Variants in NDUFAF6 observed in about 807,000 individuals in gnomAD.
The protein encoded by NDUFAF6 is NADH dehydrogenase (ubiquinone) complex I, assembly factor 6.
NDUFAF6 carries 45 observed loss-of-function variants against 40.8 expected under a neutral mutation model. The observed-to-expected ratio is 1.10, with a 90% CI of 0.87 to 1.42. The LOEUF (loss-of-function observed/expected upper bound fraction) is 1.42. Ranked by LOEUF, NDUFAF6 falls within the 40% of genes most tolerant of loss-of-function variation. NDUFAF6 has a pLI of 0.00. For missense variants in NDUFAF6, 435 were observed against 418.5 expected (o/e 1.04, Z -0.34); for synonymous variants, 185 against 155.9 (o/e 1.19, Z -1.39).
intron 1 of NDUFAF6, among the ~76,000 whole-genome samples, chr8:94,979,980 C>G (rs1202419681): frequency 6.6e-6 from 1 of 151,884 alleles, no homozygotes; most frequent in Non-Finnish European, 1.5e-5. Context: ...ACCTGTAATC[C>G]CAGCTACTCG....
chr8:95,097,995 G>A (rs766381230), upstream of NDUFAF6, among the ~76,000 whole-genome samples: 2 of 152,174 alleles, frequency 1.3e-5, no homozygotes, highest in Non-Finnish European at 2.9e-5. Context: ...CTACGCAACA[G>A]TAAGAAAGGT....
chr8:94,930,775 T>C (rs1820319688), intron 1 of NDUFAF6: 1 of 1,584,192 alleles, frequency 6.3e-7, no homozygotes, highest in Non-Finnish European at 8.6e-7. Flanking sequence ...GAGTATGTTA[T>C]TAACAAAACT....
intron 1 of NDUFAF6, among the ~76,000 whole-genome samples, chr8:94,904,357 T>C (rs1430983640): frequency 1.5e-4 from 17 of 116,250 alleles, no homozygotes; most frequent in Non-Finnish European, 2.2e-4. Flanking sequence ...TTTTTTTTTT[T>C]AGTAAAGACA....
chr8:94,937,974 G>A (rs928153366), intron 1 of NDUFAF6, among the ~76,000 whole-genome samples: 1 of 152,098 alleles, frequency 6.6e-6, no homozygotes, highest in Non-Finnish European at 1.5e-5. Context: ...TAAAGCTAAC[G>A]TCCCTTCCAG....
intron 1 of NDUFAF6, among the ~76,000 whole-genome samples, chr8:94,925,780 T>C (rs1473140028): frequency 6.6e-6 from 1 of 152,234 alleles, no homozygotes; most frequent in Non-Finnish European, 1.5e-5. Context: ...CCTCAAGCGA[T>C]GTGCCTGCCT....
At chr8:94,980,890 G>A (rs963370572) in exon 2 of NDUFAF6, 1 of 456,060 alleles carries the variant, frequency 2.2e-6, no homozygotes, top group Non-Finnish European at 4.4e-6. Context: ...AGTGTCTGGA[G>A]CTCCACCCTC....
intron 9 of NDUFAF6, among the ~76,000 whole-genome samples, chr8:95,069,673 G>A (rs867288796): frequency 4.7e-5 from 7 of 150,198 alleles, no homozygotes; most frequent in Admixed American, 2.0e-4. Context: ...CCAGCTACTC[G>A]GGAGGCTGAG....
chr8:94,938,295 G>GTGCCAGTATTTTTT (rs916230234), intron 1 of NDUFAF6, among the ~76,000 whole-genome samples: 1 of 152,200 alleles, frequency 6.6e-6, no homozygotes, highest in Non-Finnish European at 1.5e-5. Context: ...TTCTGGTGTT[G>GTGCCAGTATTTTTT]TGCCAGTATT....
chr8:95,003,504 A>G (rs1826826960), intron 2 of NDUFAF6, among the ~76,000 whole-genome samples: 1 of 152,144 alleles, frequency 6.6e-6, no homozygotes, highest in Non-Finnish European at 1.5e-5. Flanking sequence ...ACAGGTCTAA[A>G]ATGCTATTAG....
At chr8:94,993,327 G>A (rs1826274617) in intron 2 of NDUFAF6, among the ~76,000 whole-genome samples, 2 of 152,210 alleles carry the variant, frequency 1.3e-5, no homozygotes, top group Admixed American at 6.5e-5. Context: ...CAACATATGT[G>A]TTGGGAGGAA....
chr8:95,017,190 C>T (rs1216573666), intron 2 of NDUFAF6, among the ~76,000 whole-genome samples: 1 of 150,310 alleles, frequency 6.7e-6, no homozygotes, highest in African/African-American at 2.5e-5. Context: ...ATCTGCCTGC[C>T]TTGACCTCCC....
intron 1 of NDUFAF6, among the ~76,000 whole-genome samples, chr8:94,902,541 G>A (rs1396060793): frequency 6.6e-6 from 1 of 151,700 alleles, no homozygotes; most frequent in Non-Finnish European, 1.5e-5. Flanking sequence ...CATTCATGTT[G>A]TTGAATGTAT....
intron 2 of NDUFAF6, among the ~76,000 whole-genome samples, chr8:94,983,256 C>CTTT (rs1173077785): frequency 2.0e-4 from 17 of 83,184 alleles, no homozygotes; most frequent in African/African-American, 3.9e-4. Context: ...CTTTGCTATT[C>CTTT]TTTTTTTTTT....
At chr8:94,941,302 T>C (rs1365427275) in intron 1 of NDUFAF6, among the ~76,000 whole-genome samples, 1 of 152,200 alleles carries the variant, frequency 6.6e-6, no homozygotes, top group Non-Finnish European at 1.5e-5. Flanking sequence ...TATCTTAAAA[T>C]GTGAAATAAA....
At chr8:95,105,358 A>C (rs1809807113), downstream of NDUFAF6, among the ~76,000 whole-genome samples, 1 of 84,762 alleles carries the variant, frequency 1.2e-5, no homozygotes, top group Non-Finnish European at 2.2e-5. Flanking sequence ...CCCTGAATTT[A>C]GGCGCATTTT....
intron 1 of NDUFAF6, among the ~76,000 whole-genome samples, chr8:94,906,274 A>G (rs1478204117): frequency 6.6e-6 from 1 of 152,062 alleles, no homozygotes. Context: ...GAACTAATCT[A>G]TTCACCATCC....
chr8:95,026,796 T>G (rs1384786927), intron 1 of NDUFAF6, among the ~76,000 whole-genome samples: 4 of 152,180 alleles, frequency 2.6e-5, no homozygotes, highest in Non-Finnish European at 5.9e-5. Flanking sequence ...ACCTGTAATC[T>G]CAGCATTTTG....
chr8:94,916,535 C>T (rs908934575), intron 1 of NDUFAF6, among the ~76,000 whole-genome samples: 1 of 152,148 alleles, frequency 6.6e-6, no homozygotes, highest in African/African-American at 2.4e-5. Flanking sequence ...AAAAATGGGC[C>T]GGGTGCAGTG....
chr8:94,941,644 G>A (rs1821545945), intron 1 of NDUFAF6, among the ~76,000 whole-genome samples: 1 of 152,214 alleles, frequency 6.6e-6, no homozygotes, highest in South Asian at 2.1e-4. Context: ...AATTTACACT[G>A]TAGGAAACTG....
Sources: allele counts gnomAD v4.1 joint callset (sites outside exome capture counted in the v4.1 genomes callset), GRCh38; gene constraint gnomAD v4.1.1; transcripts MANE v1.5; gene names NCBI Gene and HGNC (gene_info 2026-07-23, HGNC 2026-07-21).